GPR180: variants seen among roughly 807,000 people sequenced by gnomAD.
GPR180 encodes G protein-coupled receptor 180, also known as integral membrane protein GPR180.
GPR180 carries 53 observed loss-of-function variants against 52.6 expected under a neutral mutation model. The observed-to-expected ratio is 1.01, with a 90% CI of 0.81 to 1.27. The LOEUF (loss-of-function observed/expected upper bound fraction) is 1.27, where lower values mean the gene tolerates loss of function less well. Ranked by LOEUF, GPR180 falls within the 50% of genes most tolerant of loss-of-function variation. The probability of loss-of-function intolerance (pLI) is 0.00; values close to 1 mark genes in which losing one functional copy is unlikely to be tolerated. For synonymous variants in GPR180, 200 were observed against 193.1 expected, an observed-to-expected ratio of 1.04 and a Z score of -0.30; for missense variants, 533 against 527.0, an observed-to-expected ratio of 1.01 and a Z score of -0.11.
In GPR180 at chr13:94,628,261, A is replaced by T. The variant is rs1217754814; in HGVS notation, c.*1090A>T. 1 of 152,450 alleles carries T rather than the reference A, an allele frequency of 6.6e-6. No individual in the cohort carries two copies. The highest frequency in any genetic ancestry group is 1.5e-5 in the Non-Finnish European group (1 of 67,910). The allele number at this position is 152,450 out of a possible 1,614,324, so 9.4% of individuals were successfully genotyped here. ...TGTGTGTGATGCCCCAGTATTGAGT[A>T]TGCTAGCTAAAAAATATCAAGTGCC... On this transcript the variant is annotated 3_prime_UTR_variant, in exon 9 of 9. Coordinates refer to ENST00000376958, the MANE Select transcript of GPR180 (RefSeq NM_180989.6).
At chr13:94,625,039 C>G (rs950896883) in intron 7 of GPR180, among the ~76,000 whole-genome samples, 7 of 151,978 alleles carry the variant, frequency 4.6e-5, no homozygotes, top group Admixed American at 4.6e-4. Flanking sequence ...TTCTGGAACT[C>G]CCGACCTCAG....
chr13:94,608,046 A>G (rs923103522), intron 2 of GPR180, among the ~76,000 whole-genome samples: 6 of 152,220 alleles, frequency 3.9e-5, no homozygotes, highest in Non-Finnish European at 7.3e-5. Flanking sequence ...GTTCTCTTGT[A>G]TCACATAGTC....
In GPR180 at chr13:94,601,859, C is replaced by G; in HGVS notation, c.-69C>G. On this transcript the variant is annotated 5_prime_UTR_variant, in exon 1 of 9. Transcript: ENST00000376958. The stretch of plus-strand genomic sequence containing the variant: ...CCGGCGCCCACCCCGCCTCCCCCAG[C>G]TGCCGACGTGGGGCGGGCAGCCGCC... 1 of 1,317,304 alleles carries G rather than the reference C, an allele frequency of 7.6e-7. No individual in the cohort carries two copies. Among genetic ancestry groups the G allele is most frequent in the Non-Finnish European group, 9.7e-7 (1 of 1,029,410 alleles). The allele number at this position is 1,317,304 out of a possible 1,614,324, so 81.6% of individuals were successfully genotyped here.
intron 1 of GPR180, 120 bp downstream of exon 1, chr13:94,602,192 C>T (rs1234492989): frequency 3.2e-6 from 3 of 939,212 alleles, no homozygotes; most frequent in African/African-American, 1.7e-5. Flanking sequence ...ACTTCCCCAG[C>T]CTCACCTGGA....
intron 3 of GPR180, among the ~76,000 whole-genome samples, chr13:94,616,975 ATTTG>A (rs1210411550): frequency 1.3e-5 from 2 of 152,218 alleles, no homozygotes; most frequent in African/African-American, 2.4e-5. Flanking sequence ...ACCCAGTTCA[ATTTG>A]TTTAATATGT....
intron 2 of GPR180, among the ~76,000 whole-genome samples, chr13:94,611,317 T>G (rs1259975108): frequency 6.6e-6 from 1 of 152,208 alleles, no homozygotes; most frequent in African/African-American, 2.4e-5. Flanking sequence ...TACATAGTTT[T>G]TAGATATAAT....
At position 94,601,949 on chromosome 13, in the gene GPR180, G is replaced by T; in HGVS notation, c.22G>T (p.Ala8Ser). MGGLRLL[A>S]VALTCCWWPQ... ...GGGCATGGGGGGGCTGCGGCTGCTG[G>T]CTGTGGCCCTCACGTGCTGCTGGTG... is the stretch of plus-strand genomic sequence containing the variant. Residue 8 changes from alanine (A) to serine (S), a missense_variant, in exon 1 of 9, where the codon GCT becomes TCT. Coordinates refer to ENST00000376958, the MANE Select transcript of GPR180 (RefSeq NM_180989.6). The T allele has an allele frequency of 2.0e-6, 3 of 1,498,024 alleles. No homozygotes were observed. The South Asian group carries it at 3.8e-5, about 19-fold the overall frequency. The allele number at this position is 1,498,024 out of a possible 1,614,324, so 92.8% of individuals were successfully genotyped here.
intron 3 of GPR180, among the ~76,000 whole-genome samples, chr13:94,617,250 T>C (rs1889790665): frequency 6.6e-6 from 1 of 152,052 alleles, no homozygotes; most frequent in East Asian, 1.9e-4. Flanking sequence ...TATAAATAAA[T>C]AAAACTTTAA....
chr13:94,623,863 C>G (rs1322459508), intron 7 of GPR180, among the ~76,000 whole-genome samples: 4 of 152,082 alleles, frequency 2.6e-5, no homozygotes. Context: ...TTCATAGTTT[C>G]ATCAATAGGG....
At chr13:94,619,095 A>G (rs1049229366) in intron 3 of GPR180, 55 bp from the exon 4 acceptor site, 7 of 1,411,272 alleles carry the variant, frequency 5.0e-6, no homozygotes, top group Non-Finnish European at 6.9e-6. Context: ...AAAGCAGCCC[A>G]ATACGATAAC....
In GPR180 at chr13:94,602,008, C is replaced by A. The variant is rs770694383; in HGVS notation, c.81C>A (p.Gly27=). 6.8e-6 allele frequency: 10 copies of A among 1,468,670 alleles called. No individual in the cohort carries two copies. In the African/African-American group the frequency reaches 1.3e-4, roughly 19 times the overall value. The allele number at this position is 1,468,670 out of a possible 1,614,324, so 91.0% of individuals were successfully genotyped here. A position where few individuals can be genotyped will look rare whatever the true frequency, so the allele number is the denominator to read the frequency against. ...PQGSQGKTLR[G]SFSSTAAQDA... is the part of the protein sequence containing the mutation. ...GCAGCCAGGGTAAGACCCTGCGGGGCAGCTTCAGCAGCACCGCGGCCCAGG... is the reference window on the plus strand; with the variant it reads ...GCAGCCAGGGTAAGACCCTGCGGGGAAGCTTCAGCAGCACCGCGGCCCAGG... The change falls in exon 1 of 9, where the codon GGC becomes GGA. Residue 27 remains glycine (G), a synonymous_variant. Transcript: ENST00000376958.
intron 8 of GPR180, 117 bp downstream of exon 8, chr13:94,626,160 A>T (rs1260652141): frequency 1.7e-6 from 1 of 601,408 alleles, no homozygotes; most frequent in Non-Finnish European, 2.8e-6. Context: ...GTTATTTAAA[A>T]CTTTGAAACA....
At chr13:94,613,994 T>C (rs1889746555) in intron 3 of GPR180, among the ~76,000 whole-genome samples, 1 of 151,636 alleles carries the variant, frequency 6.6e-6, no homozygotes, top group East Asian at 2.0e-4. Flanking sequence ...TTCTCCCGCC[T>C]CAGCCTCCTG....
intron 3 of GPR180, among the ~76,000 whole-genome samples, chr13:94,614,645 T>C (rs1470585446): frequency 6.6e-6 from 1 of 152,206 alleles, no homozygotes; most frequent in African/African-American, 2.4e-5. Context: ...TACTAACCGT[T>C]ATGATTCAGT....
chr13:94,607,070 T>G (rs1349791614), intron 2 of GPR180, among the ~76,000 whole-genome samples: 1 of 152,230 alleles, frequency 6.6e-6, no homozygotes, highest in Non-Finnish European at 1.5e-5. Flanking sequence ...TGATGTTCCC[T>G]GTTTTAAGAA....
rs1282572400 is a variant in GPR180 at position 94,631,634 on chromosome 13, A to G, written c.*4463A>G. 4.0e-5 allele frequency: 6 copies of G among 148,286 alleles called. No individual in the cohort carries two copies. Among genetic ancestry groups the G allele is most frequent in the South Asian group, 4.5e-4 (2 of 4,486 alleles). The allele number at this position is 148,286 out of a possible 1,614,324, so 9.2% of individuals were successfully genotyped here. ...CTCCCTGGTGCATACTAGATGCTCA[A>G]AAATATTTTTGAGTGAATGAAGGCA... On this transcript the variant is annotated 3_prime_UTR_variant, in exon 9 of 9. Coordinates refer to ENST00000376958, the MANE Select transcript of GPR180 (RefSeq NM_180989.6).
chr13:94,603,483 T>A (rs1173500266), intron 1 of GPR180, among the ~76,000 whole-genome samples: 1 of 152,224 alleles, frequency 6.6e-6, no homozygotes, highest in Non-Finnish European at 1.5e-5. Flanking sequence ...CTGTTTCATA[T>A]GTGTAAAATC....
At position 94,618,420 on chromosome 13, in the gene GPR180, A is replaced by ATTTTTTTTTTTTTTTTTTTT. The variant is rs570807308; in HGVS notation, c.506-726_506-707dup. 3.6e-3 allele frequency among the ~76,000 whole-genome samples: 313 copies of ATTTTTTTTTTTTTTTTTTTT among 87,134 alleles called. 51 individuals carry two copies. The highest frequency in any genetic ancestry group is 0.011 in the African/African-American group (177 of 15,832). The allele number at this position is 87,134 out of a possible 152,430, so 57.2% of individuals were successfully genotyped here. On this transcript the variant is annotated intron_variant, in intron 3 of 8. Transcript: ENST00000376958. ...CATGGAGTCGCATGATCAGCACAGGATTTTTTTTTTTTTTTTTTTTTTTGG... is the reference window on the plus strand; with the variant it reads ...CATGGAGTCGCATGATCAGCACAGGATTTTTTTTTTTTTTTTTTTTTTTTTTTTTTTTTTTTTTTTTTTGG...
intron 5 of GPR180, among the ~76,000 whole-genome samples, chr13:94,620,394 G>A (rs1401693257): frequency 6.6e-6 from 1 of 152,188 alleles, no homozygotes; most frequent in Non-Finnish European, 1.5e-5. Context: ...ATAGATTTCT[G>A]TTGTTTTCTT....
Sources: allele counts gnomAD v4.1 joint callset (sites outside exome capture counted in the v4.1 genomes callset), GRCh38; gene constraint gnomAD v4.1.1; transcripts MANE v1.5; gene names NCBI Gene and HGNC (gene_info 2026-07-23, HGNC 2026-07-21).